EYS: variants seen among roughly 807,000 people sequenced by gnomAD.
EYS encodes the protein EGF-like photoreceptor maintenance factor.
A neutral mutation model predicts 282.1 loss-of-function variants in EYS; 250 were observed. That is an observed-to-expected ratio of 0.89 (90% CI 0.80 to 0.98). EYS has a LOEUF of 0.98. Ranked by LOEUF, EYS falls within the 50% of genes least tolerant of loss-of-function variation. The probability of loss-of-function intolerance (pLI) is 0.00; values close to 1 mark genes in which losing one functional copy is unlikely to be tolerated. For synonymous variants in EYS, 1,355 were observed against 1,282.9 expected, an observed-to-expected ratio of 1.06 and a Z score of -1.20; for missense variants, 4,016 against 3,709.0, an observed-to-expected ratio of 1.08 and a Z score of -2.15.
chr6:65,460,292 T>C (rs1467800872), intron 5 of EYS, among the ~76,000 whole-genome samples: 2 of 151,618 alleles, frequency 1.3e-5, no homozygotes, highest in Non-Finnish European at 1.5e-5. Flanking sequence ...ATTTCTATTA[T>C]ATATAAAATA....
intron 12 of EYS, among the ~76,000 whole-genome samples, chr6:65,118,678 A>G (rs1775447048): frequency 6.6e-6 from 1 of 152,206 alleles, no homozygotes; most frequent in African/African-American, 2.4e-5. Context: ...TACATTTAGT[A>G]GTTTGTGTTT....
chr6:65,233,764 G>A (rs772114785), intron 12 of EYS, among the ~76,000 whole-genome samples: 4 of 152,268 alleles, frequency 2.6e-5, no homozygotes, highest in African/African-American at 7.2e-5. Flanking sequence ...CTACCTCCAT[G>A]TCAGAATAAT....
In EYS at chr6:64,457,375, T is replaced by C. The variant is rs147961679; in HGVS notation, c.5645-18023A>G. Among the ~76,000 whole-genome samples, 223 of 152,112 alleles carry C rather than the reference T, an allele frequency of 1.5e-3. 2 individuals are homozygous for C. Among genetic ancestry groups the C allele is most frequent in the Middle Eastern group, 3.4e-3 (1 of 294 alleles). ...AATTTTCTGTATATGTGTCTTTAGG[T>C]CCATTTGCTCTAGAATACATTTTAA... On this transcript the variant is annotated intron_variant, in intron 26 of 42. Transcript: ENST00000503581.
chr6:64,457,703 A>G (rs1775599356), intron 26 of EYS, among the ~76,000 whole-genome samples: 1 of 151,970 alleles, frequency 6.6e-6, no homozygotes, highest in South Asian at 2.1e-4. Context: ...TTTTTCTGAA[A>G]TATCTTTTTT....
chr6:63,806,419 A>G (rs2149679048), intron 36 of EYS, 47 bp from the exon 37 acceptor site: 1 of 1,439,412 alleles, frequency 6.9e-7, no homozygotes, highest in Non-Finnish European at 9.2e-7. Flanking sequence ...CTGTACATGT[A>G]TTTGTAAAGT....
intron 22 of EYS, among the ~76,000 whole-genome samples, chr6:64,768,045 T>C (rs1351829276): frequency 2.6e-5 from 4 of 152,170 alleles, no homozygotes; most frequent in African/African-American, 7.2e-5. Flanking sequence ...ATTGTATTAT[T>C]TGATGAATAA....
At chr6:64,734,433 T>C (rs928175155) in intron 22 of EYS, among the ~76,000 whole-genome samples, 2 of 152,220 alleles carry the variant, frequency 1.3e-5, no homozygotes, top group Non-Finnish European at 2.9e-5. Context: ...GCACAACTTT[T>C]AGTTTGCAAG....
intron 31 of EYS, among the ~76,000 whole-genome samples, chr6:64,107,809 G>A (rs1773082201): frequency 6.6e-6 from 1 of 151,964 alleles, no homozygotes; most frequent in Admixed American, 6.6e-5. Context: ...TAAGGTGTAG[G>A]GTGAGGGGAA....
Position 65,701,845 on chromosome 6 carries a change from C to A in EYS, c.-448+5290G>T, listed in dbSNP as rs150151257. ...TATATATAGAGAGAGTTTTTTGGAA[C>A]AGGAAGCTTTGTAATATCACAGTTT... On this transcript the variant is annotated intron_variant, in intron 1 of 42. Coordinates refer to ENST00000503581, the MANE Select transcript of EYS (RefSeq NM_001142800.2). Among the ~76,000 whole-genome samples, 51 of 152,218 alleles carry A rather than the reference C, an allele frequency of 3.4e-4. No homozygotes were observed. The East Asian group carries it at 9.7e-3, about 29-fold the overall frequency.
intron 36 of EYS, among the ~76,000 whole-genome samples, chr6:63,834,348 T>G (rs1029252797): frequency 6.6e-6 from 1 of 152,012 alleles, no homozygotes; most frequent in Non-Finnish European, 1.5e-5. Context: ...CACAAAGAGC[T>G]TTAACAAATT....
chr6:64,610,449 G>T (rs1401084758), intron 24 of EYS, among the ~76,000 whole-genome samples: 14 of 141,464 alleles, frequency 9.9e-5, no homozygotes, highest in African/African-American at 2.9e-4. Flanking sequence ...TGTCGCCCAG[G>T]CTGGAGTGCA....
At chr6:63,911,399 G>A (rs1425451877) in intron 35 of EYS, among the ~76,000 whole-genome samples, 1 of 152,124 alleles carries the variant, frequency 6.6e-6, no homozygotes, top group South Asian at 2.1e-4. Context: ...CTTAAAAATA[G>A]GAAATCAAGT....
intron 26 of EYS, among the ~76,000 whole-genome samples, chr6:64,472,477 C>T (rs1776149686): frequency 6.6e-6 from 1 of 152,150 alleles, no homozygotes; most frequent in African/African-American, 2.4e-5. Flanking sequence ...GTTTCCCCCT[C>T]ATTTTGACTT....
At chr6:65,480,778 T>C (rs1054621376) in intron 5 of EYS, among the ~76,000 whole-genome samples, 1 of 152,102 alleles carries the variant, frequency 6.6e-6, no homozygotes, top group African/African-American at 2.4e-5. Context: ...TATTCGGTCA[T>C]AAAAAGAATG....
intron 1 of EYS, among the ~76,000 whole-genome samples, chr6:65,671,040 G>C (rs1407609786): frequency 1.3e-5 from 2 of 151,888 alleles, no homozygotes; most frequent in Non-Finnish European, 2.9e-5. Flanking sequence ...ACTTGAGATA[G>C]TCCTTATTGT....
intron 29 of EYS, among the ~76,000 whole-genome samples, chr6:64,381,354 T>TA (rs1227636133): frequency 7.9e-5 from 12 of 152,156 alleles, no homozygotes; most frequent in African/African-American, 2.2e-4. Context: ...CTTTATCATC[T>TA]ACCAAACATA....
At chr6:65,167,672 G>A (rs182152263) in intron 12 of EYS, among the ~76,000 whole-genome samples, 2 of 151,134 alleles carry the variant, frequency 1.3e-5, no homozygotes, top group African/African-American at 4.8e-5. Context: ...TGACTTGAGA[G>A]TACCTGTTTG....
In EYS at chr6:64,844,808, T is replaced by C. The variant is rs968752502; in HGVS notation, c.2993-21986A>G. Among the ~76,000 whole-genome samples the C allele has an allele frequency of 9.9e-5, 15 of 152,206 alleles. 1 individual carries two copies. Among genetic ancestry groups the C allele is most frequent in the Admixed American group, 5.2e-4 (8 of 15,256 alleles). On this transcript the variant is annotated intron_variant, in intron 19 of 42. Transcript: ENST00000503581. ...TAATGCATTCAAATATATTTCCTTC[T>C]CTCAACTTTATTTCATGGTAATTTC...
intron 19 of EYS, among the ~76,000 whole-genome samples, chr6:64,886,018 A>G (rs970862804): frequency 6.6e-6 from 1 of 151,798 alleles, no homozygotes; most frequent in Admixed American, 6.6e-5. Flanking sequence ...CATTATTGTA[A>G]TCTCTGTGGG....
Sources: gnomAD v4.1 joint callset for allele counts (sites outside exome capture counted in the v4.1 genomes callset) on GRCh38, gnomAD v4.1.1 for gene constraint, MANE v1.5 for transcripts, NCBI Gene and HGNC (gene_info 2026-07-23, HGNC 2026-07-21) for gene names.